BAHD1: variants seen among roughly 807,000 people sequenced by gnomAD.
BAHD1 encodes bromo adjacent homology domain containing 1.
In BAHD1, 20 loss-of-function variants were observed where a neutral mutation model predicts 63.1. The ratio of observed to expected loss-of-function variants is 0.32; its 90% CI spans 0.22 to 0.46. BAHD1 has a LOEUF of 0.46. BAHD1 is among the 20% of genes least tolerant of loss of function. The pLI is 1.00. For missense variants in BAHD1, 939 were observed against 1,071.8 expected (o/e 0.88, Z 1.73); for synonymous variants, 408 against 426.8 (o/e 0.96, Z 0.54).
In BAHD1 at chr15:40,464,464, C is replaced by T; in HGVS notation, c.1976-7C>T. 1 of 1,611,372 alleles carries T rather than the reference C, an allele frequency of 6.2e-7. No individual in the cohort carries two copies. Among genetic ancestry groups the T allele is most frequent in the South Asian group, 1.1e-5 (1 of 90,368 alleles). Reference sequence around the variant, plus strand: ...TTCAAGCCATAACCACTGTGTTGTCCTTCCAGGAGAGCTGATGATGAGCCT... The same window carrying T: ...TTCAAGCCATAACCACTGTGTTGTCTTTCCAGGAGAGCTGATGATGAGCCT... On this transcript the variant is annotated splice_region_variant and splice_polypyrimidine_tract_variant and intron_variant, in intron 4 of 6. Coordinates refer to ENST00000416165, the MANE Select transcript of BAHD1 (RefSeq NM_014952.5).
In BAHD1 at chr15:40,464,542, C is replaced by G. The variant is rs1378779310; in HGVS notation, c.2047C>G (p.His683Asp). 1 of 1,612,718 alleles carries G rather than the reference C, an allele frequency of 6.2e-7. No individual in the cohort carries two copies. Among genetic ancestry groups the G allele is most frequent in the Non-Finnish European group, 8.5e-7 (1 of 1,179,444 alleles). ...ACAGGGAGGCCGCAGTCCCAGCATG[C>G]ACGAGGTGAGCTGCCTGGCAGATGG... ...HLQGGRSPSM[H>D]EPLQNEVFAS... is the part of the protein sequence containing the mutation. Residue 683 changes from histidine to aspartate, a missense_variant, in exon 5 of 7, where the codon CAC (histidine) becomes GAC (aspartate). This residue lies in a region of BAHD1 where 31 missense variants were observed against 68.1 expected (regional missense o/e 0.46). Coordinates refer to ENST00000416165, the MANE Select transcript of BAHD1 (RefSeq NM_014952.5).
chr15:40,464,640 C>A, intron 5 of BAHD1, 93 bp downstream of exon 5: 2 of 1,079,272 alleles, frequency 1.9e-6, no homozygotes, highest in Non-Finnish European at 2.8e-6. Context: ...CAGCCATGGG[C>A]TGTAGTCAAA....
chr15:40,463,749 G>A, intron 3 of BAHD1, 112 bp from the exon 4 acceptor site: 1 of 1,200,028 alleles, frequency 8.3e-7, no homozygotes, highest in African/African-American at 1.5e-5. Context: ...CAAAACCAAG[G>A]TAGTGGTTTG....
At position 40,462,010 on chromosome 15, in the gene BAHD1, G is replaced by A. The variant is rs1454312876; in HGVS notation, c.1531G>A (p.Val511Met). Residue 511 changes from valine (V) to methionine (M), a missense_variant, in exon 3 of 7, where the codon GTG becomes ATG. Physicochemically the swap from Val to Met is conservative, Grantham distance 21. This residue lies in a region of BAHD1 where 797 missense variants were observed against 813.3 expected (regional missense o/e 0.98). Transcript: ENST00000416165. The part of the protein sequence containing the change: ...HPLLGCPVPS[V>M]PPAAEPVPHL... ...ACTCCTGGGGTGCCCTGTACCCAGTGTGCCACCTGCAGCAGAGCCCGTCCC... is the reference window on the plus strand; with the variant it reads ...ACTCCTGGGGTGCCCTGTACCCAGTATGCCACCTGCAGCAGAGCCCGTCCC... 1 of 1,613,794 alleles carries A rather than the reference G, an allele frequency of 6.2e-7. No homozygotes were observed. Among genetic ancestry groups the A allele is most frequent in the South Asian group, 1.1e-5 (1 of 91,078 alleles).
At chr15:40,445,378 A>T (rs1032700082) in intron 1 of BAHD1, among the ~76,000 whole-genome samples, 1 of 152,136 alleles carries the variant, frequency 6.6e-6, no homozygotes, top group Non-Finnish European at 1.5e-5. Context: ...GCCTCCTAGC[A>T]TACATACTTC....
intron 1 of BAHD1, among the ~76,000 whole-genome samples, chr15:40,455,145 G>A (rs980813179): frequency 2.0e-5 from 3 of 152,312 alleles, no homozygotes; most frequent in Admixed American, 6.5e-5. Context: ...GCTATTTTGC[G>A]ACGTGCTTTT....
At chr15:40,440,575 G>C (rs1201609932), upstream of BAHD1, among the ~76,000 whole-genome samples, 3 of 148,496 alleles carry the variant, frequency 2.0e-5, no homozygotes, top group Non-Finnish European at 3.0e-5. Context: ...AGATTTTTCC[G>C]GGGGGGCTAG....
At chr15:40,452,911 T>C (rs773408178) in intron 1 of BAHD1, among the ~76,000 whole-genome samples, 19 of 152,174 alleles carry the variant, frequency 1.2e-4, no homozygotes, top group Non-Finnish European at 2.6e-4. Flanking sequence ...AAAAGGAGTG[T>C]CATCATCATT....
At chr15:40,455,057 C>T (rs1595855429) in intron 1 of BAHD1, among the ~76,000 whole-genome samples, 1 of 152,320 alleles carries the variant, frequency 6.6e-6, no homozygotes, top group Non-Finnish European at 1.5e-5. Context: ...TGGAGTGCAG[C>T]GAGAGGCAGG....
intron 1 of BAHD1, among the ~76,000 whole-genome samples, chr15:40,445,256 T>TTAA (rs766715812): frequency 8.8e-6 from 1 of 113,724 alleles, no homozygotes; most frequent in Non-Finnish European, 1.8e-5. Flanking sequence ...TCCTTTTGGG[T>TTAA]AAAAAAAAAA....
Position 40,441,115 on chromosome 15 carries a change from T to C in BAHD1, c.-168T>C, listed in dbSNP as rs1242313545. The C allele has an allele frequency of 4.2e-5, 6 of 142,018 alleles. No individual in the cohort carries two copies. Among genetic ancestry groups the C allele is most frequent in the Admixed American group, 6.9e-5 (1 of 14,544 alleles). 8.8% of individuals were successfully genotyped at this position (142,018 alleles called of 1,614,324 possible). A position where few individuals can be genotyped will look rare whatever the true frequency, so the allele number is the denominator to read the frequency against. On this transcript the variant is annotated 5_prime_UTR_variant, in exon 1 of 7. Transcript: ENST00000416165. Reference sequence around the variant, plus strand: ...GGCCCCGCCCGGCCGCGGTCCCCGCTCCGCCCGCCCGGCCCCGGCCCCCAG... The same window carrying C: ...GGCCCCGCCCGGCCGCGGTCCCCGCCCCGCCCGCCCGGCCCCGGCCCCCAG...
At chr15:40,449,428 C>A (rs909441884) in intron 1 of BAHD1, among the ~76,000 whole-genome samples, 10 of 152,138 alleles carry the variant, frequency 6.6e-5, no homozygotes, top group Non-Finnish European at 1.0e-4. Flanking sequence ...GTACTACATT[C>A]ACTTGCTTAA....
At chr15:40,447,813 G>A (rs1433767258) in intron 1 of BAHD1, among the ~76,000 whole-genome samples, 2 of 152,108 alleles carry the variant, frequency 1.3e-5, no homozygotes, top group African/African-American at 4.8e-5. Flanking sequence ...GAGACAAGAG[G>A]TATTGGGTAG....
upstream of BAHD1, among the ~76,000 whole-genome samples, chr15:40,440,737 G>A (rs1243488312): frequency 6.6e-5 from 10 of 151,882 alleles, no homozygotes; most frequent in Admixed American, 6.5e-4. Context: ...TCCCCGCACC[G>A]CCTCCCCCGG....
chr15:40,441,555 G>C (rs901531220), intron 1 of BAHD1, among the ~76,000 whole-genome samples: 34 of 149,654 alleles, frequency 2.3e-4, no homozygotes, highest in African/African-American at 8.0e-4. Flanking sequence ...CCCGGGGGCC[G>C]CCCGCCTTGC....
upstream of BAHD1, among the ~76,000 whole-genome samples, chr15:40,440,838 G>A (rs1360318063): frequency 6.6e-6 from 1 of 152,152 alleles, no homozygotes; most frequent in Non-Finnish European, 1.5e-5. Context: ...CGGATTGGCT[G>A]GCGGAGCCAG....
upstream of BAHD1, among the ~76,000 whole-genome samples, chr15:40,437,818 G>A (rs529313310): frequency 6.6e-6 from 1 of 152,316 alleles, no homozygotes; most frequent in Admixed American, 6.5e-5. Flanking sequence ...GAGGTGCTGG[G>A]GCTGGGCTGG....
rs1290989985 is a variant in BAHD1, at chr15:40,441,008, GCCCGCCCGTCCGGCTGCCTGC to G, written c.-260_-240del. Among the ~76,000 whole-genome samples the G allele has an allele frequency of 9.4e-5, 14 of 148,388 alleles. No homozygotes were observed. The highest frequency in any genetic ancestry group is 3.4e-3 in the Middle Eastern group (1 of 290). On this transcript the variant is annotated 5_prime_UTR_variant, in exon 1 of 7. Coordinates refer to ENST00000416165, the MANE Select transcript of BAHD1 (RefSeq NM_014952.5). ...CGGATCCCGGAGCCCGGCCCCCGCC[GCCCGCCCGTCCGGCTGCCTGC>G]CCCGCCCGTCCGGCCCCCGCCGTCC...
upstream of BAHD1, among the ~76,000 whole-genome samples, chr15:40,440,741 C>T (rs1221380250): frequency 6.6e-6 from 1 of 152,156 alleles, no homozygotes; most frequent in Non-Finnish European, 1.5e-5. Context: ...CGCACCGCCT[C>T]CCCCGGCCGC....
Sources: allele counts gnomAD v4.1 joint callset (sites outside exome capture counted in the v4.1 genomes callset), GRCh38; gene constraint gnomAD v4.1.1; regional missense constraint gnomAD v4.1.1; transcripts MANE v1.5; gene names NCBI Gene and HGNC (gene_info 2026-07-23, HGNC 2026-07-21).